RPS6KA1: variants seen among roughly 807,000 people sequenced by gnomAD.
RPS6KA1 encodes ribosomal protein S6 kinase A1.
RPS6KA1 carries 48 observed loss-of-function variants against 91.3 expected under a neutral mutation model. That is an observed-to-expected ratio of 0.53 (90% CI 0.42 to 0.67). The LOEUF (loss-of-function observed/expected upper bound fraction) is 0.67, where lower values mean the gene tolerates loss of function less well. Ranked by LOEUF, RPS6KA1 falls within the 30% of genes least tolerant of loss-of-function variation. The pLI is 0.00. For synonymous variants in RPS6KA1, 359 were observed against 384.7 expected (o/e 0.93, Z 0.78); for missense variants, 719 against 960.5 (o/e 0.75, Z 3.32).
At chr1:26,532,184 G>A (rs755551414) in intron 1 of RPS6KA1, among the ~76,000 whole-genome samples, 16 of 152,128 alleles carry the variant, frequency 1.1e-4, no homozygotes, top group Admixed American at 3.3e-4. Flanking sequence ...TATGGGAAGC[G>A]TGGGTGAGGA....
At chr1:26,531,609 T>C (rs1390282735) in intron 1 of RPS6KA1, among the ~76,000 whole-genome samples, 1 of 152,204 alleles carries the variant, frequency 6.6e-6, no homozygotes, top group East Asian at 1.9e-4. Flanking sequence ...TTTTGAGTTC[T>C]GTAACATCTC....
chr1:26,533,323 G>A lies in RPS6KA1; in HGVS notation c.63+3340G>A, dbSNP rs547403282. ...TCGATCTCTTGACCTCGTGATCCTC[G>A]TGATCTGTGAGGCCTCTTGGCCTCA... On this transcript the variant is annotated intron_variant, in intron 1 of 21. Transcript: ENST00000374168. Among the ~76,000 whole-genome samples the A allele has an allele frequency of 1.2e-4, 18 of 152,204 alleles. No individual in the cohort carries two copies. In the East Asian group the frequency reaches 1.8e-3, roughly 15 times the overall value.
chr1:26,550,905 A>G (rs1333230863), intron 4 of RPS6KA1, among the ~76,000 whole-genome samples: 1 of 152,190 alleles, frequency 6.6e-6, no homozygotes, highest in Non-Finnish European at 1.5e-5. Flanking sequence ...ACCCAGACCC[A>G]TAGATCGGGA....
At chr1:26,535,360 C>G (rs545125977) in intron 1 of RPS6KA1, among the ~76,000 whole-genome samples, 1 of 152,074 alleles carries the variant, frequency 6.6e-6, no homozygotes, top group African/African-American at 2.4e-5. Context: ...TGTGCCTACC[C>G]AGCTGTAGCC....
chr1:26,534,040 G>A (rs72879007), intron 1 of RPS6KA1, among the ~76,000 whole-genome samples: 6 of 152,164 alleles, frequency 3.9e-5, no homozygotes, highest in East Asian at 1.9e-4. Context: ...GCCTTAGAGC[G>A]GGGGGTCCCT....
chr1:26,549,944 A>G (rs2076032775), intron 4 of RPS6KA1, among the ~76,000 whole-genome samples: 1 of 151,730 alleles, frequency 6.6e-6, no homozygotes, highest in Non-Finnish European at 1.5e-5. Flanking sequence ...CAATGGTGCA[A>G]TCTCGGCTCA....
In RPS6KA1 at chr1:26,547,134, G is replaced by T. The variant is rs2076002140; in HGVS notation, c.226-55G>T. Reference sequence around the variant, plus strand: ...TGGGGCTCAGAGAAGATAGAGGTCAGCCTGGACTCAGACCTCTCCCATCTT... The same window carrying T: ...TGGGGCTCAGAGAAGATAGAGGTCATCCTGGACTCAGACCTCTCCCATCTT... On this transcript the variant is annotated intron_variant, in intron 3 of 21. Transcript: ENST00000374168. The surrounding 1 kb of genome is among the most constrained non-coding windows in gnomAD (Gnocchi z 4.1). 21 of 1,589,500 alleles carry T rather than the reference G, an allele frequency of 1.3e-5. No individual in the cohort carries two copies. The highest frequency in any genetic ancestry group is 1.6e-5 in the Non-Finnish European group (19 of 1,158,332).
rs893399721 is a variant in RPS6KA1, at chr1:26,561,500, G to A, written c.1432-5G>A. On this transcript the variant is annotated splice_region_variant and splice_polypyrimidine_tract_variant and intron_variant, in intron 16 of 21. Coordinates refer to ENST00000374168, the MANE Select transcript of RPS6KA1 (RefSeq NM_002953.4). The surrounding 1 kb of genome is among the most constrained non-coding windows in gnomAD (Gnocchi z 5.7). ...AGAAGAGCCTGATGGTGAGGTCTTC[G>A]GCAGGTGTATGATGATGGCAAACAC... 1.1e-5 allele frequency: 18 copies of A among 1,614,018 alleles called. No individual in the cohort carries two copies. The highest frequency in any genetic ancestry group is 8.9e-5 in the East Asian group (4 of 44,886).
At position 26,554,143 on chromosome 1, in the gene RPS6KA1, C is replaced by T. The variant is rs2076077574; in HGVS notation, c.576-71C>T. On this transcript the variant is annotated intron_variant, in intron 7 of 21. Coordinates refer to ENST00000374168, the MANE Select transcript of RPS6KA1 (RefSeq NM_002953.4). This position sits in a 1 kb window ranked among gnomAD's most constrained non-coding sequence, Gnocchi z 4.6. ...TCCTCTGGGCTGAACCCAACTCCCACAGCCCTGTGGTAACACCATCACCCA... is the reference window on the plus strand; with the variant it reads ...TCCTCTGGGCTGAACCCAACTCCCATAGCCCTGTGGTAACACCATCACCCA... The T allele has an allele frequency of 2.0e-6, 3 of 1,500,200 alleles. No individual in the cohort carries two copies. Among genetic ancestry groups the T allele is most frequent in the Admixed American group, 2.0e-5 (1 of 49,078 alleles). The allele number at this position is 1,500,200 out of a possible 1,614,324, so 92.9% of individuals were successfully genotyped here. A position where few individuals can be genotyped will look rare whatever the true frequency, so the allele number is the denominator to read the frequency against.
rs1278926134 is a variant in RPS6KA1 at position 26,571,037 on chromosome 1, G to A, written c.1591-412G>A. 6.6e-6 allele frequency among the ~76,000 whole-genome samples: 1 copy of A among 152,092 alleles called. No individual in the cohort carries two copies. Among genetic ancestry groups the A allele is most frequent in the Non-Finnish European group, 1.5e-5 (1 of 68,012 alleles). Reference sequence around the variant, plus strand: ...ACTTGGGAGCTGAGGCAGGAGAATTGCTTGAACCCGGGAGGCGGAGGCTGC... The same window carrying A: ...ACTTGGGAGCTGAGGCAGGAGAATTACTTGAACCCGGGAGGCGGAGGCTGC... On this transcript the variant is annotated intron_variant, in intron 17 of 21. Coordinates refer to ENST00000374168, the MANE Select transcript of RPS6KA1 (RefSeq NM_002953.4). This position sits in a 1 kb window ranked among gnomAD's most constrained non-coding sequence, Gnocchi z 5.1.
In RPS6KA1 at chr1:26,558,852, G is replaced by A. The variant is rs150753331; in HGVS notation, c.1130G>A (p.Arg377Gln). 1.7e-5 allele frequency: 28 copies of A among 1,613,578 alleles called. No homozygotes were observed. Among genetic ancestry groups the A allele is most frequent in the South Asian group, 5.5e-5 (5 of 91,066 alleles). The change falls in exon 14 of 22, where the codon CGG (arginine) becomes CAG (glutamine). Residue 377 changes from arginine (R) to glutamine (Q), a missense_variant. Arg to Gln is a conservative substitution (Grantham distance 43). Transcript: ENST00000374168. The surrounding 1 kb of genome is among the most constrained non-coding windows in gnomAD (Gnocchi z 4.0). ...PPSAGAHQLF[R>Q]GFSFVATGLM... ...AGCGCTGGGGCCCATCAGCTGTTCC[G>A]GGGCTTCAGCTTCGTGGCCACCGGC...
rs2076077328 is a variant in RPS6KA1, at chr1:26,554,114, C to T, written c.576-100C>T. 2 of 1,251,968 alleles carry T rather than the reference C, an allele frequency of 1.6e-6. No homozygotes were observed. Among genetic ancestry groups the T allele is most frequent in the African/African-American group, 1.5e-5 (1 of 66,800 alleles). The allele number at this position is 1,251,968 out of a possible 1,614,324, so 77.6% of individuals were successfully genotyped here. ...AGTCATCAGAGAGAATTGGGTGGAG[C>T]ACCTCCTCTGGGCTGAACCCAACTC... On this transcript the variant is annotated intron_variant, in intron 7 of 21. Transcript: ENST00000374168. The surrounding 1 kb of genome is among the most constrained non-coding windows in gnomAD (Gnocchi z 4.6).
rs1328369637 is a variant in RPS6KA1 at position 26,557,015 on chromosome 1, G to A, written c.999G>A (p.Glu333=). Residue 333 remains glutamate (E), a synonymous_variant, in exon 13 of 22, where the codon GAG becomes GAA. Transcript: ENST00000374168. ...TIDWNKLYRR[E]IKPPFKPAVA... ...CTGTGCAGAAGCTATACCGTCGTGA[G>A]ATCAAGCCACCCTTCAAGCCAGCAG... 4 of 1,614,128 alleles carry A rather than the reference G, an allele frequency of 2.5e-6. No homozygotes were observed. The highest frequency in any genetic ancestry group is 1.3e-5 in the African/African-American group (1 of 75,050).
At chr1:26,568,926 T>C (rs186072516) in intron 17 of RPS6KA1, among the ~76,000 whole-genome samples, 9 of 152,234 alleles carry the variant, frequency 5.9e-5, no homozygotes, top group Admixed American at 2.0e-4. Context: ...CTGGGCGTAG[T>C]GGCTCACACC....
chr1:26,554,933 A>C lies in RPS6KA1; in HGVS notation c.756+195A>C, dbSNP rs1421427095. 2.0e-5 allele frequency among the ~76,000 whole-genome samples: 3 copies of C among 152,180 alleles called. No individual in the cohort carries two copies. The highest frequency in any genetic ancestry group is 4.4e-5 in the Non-Finnish European group (3 of 68,028). On this transcript the variant is annotated intron_variant, in intron 9 of 21. Coordinates refer to ENST00000374168, the MANE Select transcript of RPS6KA1 (RefSeq NM_002953.4). This position sits in a 1 kb window ranked among gnomAD's most constrained non-coding sequence, Gnocchi z 4.6. ...GCTTGACCCCACCTGGGACGCGCCTAACCCAGTGCTGGCCTTCTCCCCAGC... is the reference window on the plus strand; with the variant it reads ...GCTTGACCCCACCTGGGACGCGCCTCACCCAGTGCTGGCCTTCTCCCCAGC...
At chr1:26,546,009 CCTGGCT>C (rs1164662701) in intron 2 of RPS6KA1, 5 of 1,611,978 alleles carry the variant, frequency 3.1e-6, no homozygotes, top group African/African-American at 2.7e-5. Flanking sequence ...TGTCCCTGGC[CCTGGCT>C]CTGGCCCCCA....
Position 26,561,653 on chromosome 1 carries a change from A to C in RPS6KA1, c.1580A>C (p.His527Pro). ...ATTGGCAAAACTGTGGAGTATCTGC[A>C]CTCACAGGGGGTGAGTCTGGATTCG... ...HTIGKTVEYL[H>P]SQGVVHRDLK... is the part of the protein sequence containing the mutation. The change falls in exon 17 of 22, where the codon CAC (histidine) becomes CCC (proline). Residue 527 changes from histidine (H) to proline (P), a missense_variant. This residue lies in a region of RPS6KA1 where 249 missense variants were observed against 323.1 expected (regional missense o/e 0.77). Transcript: ENST00000374168. This position sits in a 1 kb window ranked among gnomAD's most constrained non-coding sequence, Gnocchi z 5.7. 6.2e-7 allele frequency: 1 copy of C among 1,605,950 alleles called. No individual in the cohort carries two copies. The highest frequency in any genetic ancestry group is 8.5e-7 in the Non-Finnish European group (1 of 1,175,360).
In RPS6KA1 at chr1:26,540,725, G is replaced by T. The variant is rs920862316; in HGVS notation, c.108+3756G>T. ...GGAGTAGCTGGGACTACAGGCGCAC[G>T]CCACTATGCCCAGCCAGGAGTTCAA... is the stretch of plus-strand genomic sequence containing the variant. On this transcript the variant is annotated intron_variant, in intron 2 of 21. Transcript: ENST00000374168. This position sits in a 1 kb window ranked among gnomAD's most constrained non-coding sequence, Gnocchi z 4.2. Among the ~76,000 whole-genome samples the T allele has an allele frequency of 6.6e-6, 1 of 152,242 alleles. No homozygotes were observed. Among genetic ancestry groups the T allele is most frequent in the East Asian group, 1.9e-4 (1 of 5,174 alleles).
At chr1:26,533,863 C>T in intron 1 of RPS6KA1, among the ~76,000 whole-genome samples, 1 of 152,096 alleles carries the variant, frequency 6.6e-6, no homozygotes, top group East Asian at 1.9e-4. Flanking sequence ...GCAGATGACC[C>T]CGGACCCAGG....
Sources: allele counts gnomAD v4.1 joint callset (sites outside exome capture counted in the v4.1 genomes callset), GRCh38; gene constraint gnomAD v4.1.1; regional missense constraint gnomAD v4.1.1; non-coding constraint Gnocchi (gnomAD v3.1); transcripts MANE v1.5; gene names NCBI Gene and HGNC (gene_info 2026-07-23, HGNC 2026-07-21).